Variants in SNTG1 observed in about 807,000 individuals in gnomAD.
SNTG1 encodes gamma-1-syntrophin.
In SNTG1, 39 loss-of-function variants were observed where a neutral mutation model predicts 74.7. The ratio of observed to expected loss-of-function variants is 0.52; its 90% CI spans 0.40 to 0.68. The LOEUF (loss-of-function observed/expected upper bound fraction) is 0.68, where lower values mean the gene tolerates loss of function less well. Among genes scored for constraint, SNTG1 ranks in the 30% least tolerant of loss-of-function variants. SNTG1 has a pLI of 0.00. For synonymous variants in SNTG1, 254 were observed against 217.1 expected (o/e 1.17, Z -1.49); for missense variants, 685 against 609.5 (o/e 1.12, Z -1.30).
chr8:50,703,094 C>G (rs1182861926), intron 15 of SNTG1, among the ~76,000 whole-genome samples: 1 of 152,108 alleles, frequency 6.6e-6, no homozygotes, highest in Non-Finnish European at 1.5e-5. Context: ...AGCACTTAGA[C>G]TACACTACAT....
At chr8:50,007,079 C>G (rs562954432) in intron 1 of SNTG1, among the ~76,000 whole-genome samples, 2 of 151,986 alleles carry the variant, frequency 1.3e-5, no homozygotes, top group South Asian at 4.2e-4. Flanking sequence ...AAGGAGAGCA[C>G]CACTTATTGC....
intron 17 of SNTG1, among the ~76,000 whole-genome samples, chr8:50,748,509 A>G (rs778614042): frequency 3.9e-5 from 6 of 152,010 alleles, no homozygotes; most frequent in Non-Finnish European, 8.8e-5. Flanking sequence ...GAATGTATTG[A>G]CATAAGTGCT....
chr8:50,510,751 C>T (rs1031394252), intron 9 of SNTG1, among the ~76,000 whole-genome samples: 5 of 152,034 alleles, frequency 3.3e-5, no homozygotes, highest in African/African-American at 4.8e-5. Context: ...TCTGTGGGAT[C>T]GGTGGTGATA....
At chr8:50,358,147 G>A (rs34785256) in intron 2 of SNTG1, among the ~76,000 whole-genome samples, 3,579 of 152,220 alleles carry the variant, frequency 0.024, 58 homozygotes, top group Non-Finnish European at 0.032. Context: ...GAACAGCTGG[G>A]AGCAAGGTTT....
At chr8:50,676,474 G>C (rs984798753) in intron 15 of SNTG1, among the ~76,000 whole-genome samples, 6 of 152,024 alleles carry the variant, frequency 3.9e-5, no homozygotes, top group Admixed American at 1.3e-4. Flanking sequence ...AGCACCATCA[G>C]TTCATTTGTG....
chr8:50,698,089 G>A (rs530623902), intron 15 of SNTG1, among the ~76,000 whole-genome samples: 8 of 152,092 alleles, frequency 5.3e-5, no homozygotes, highest in South Asian at 4.1e-4. Context: ...GAGACTTTTC[G>A]TAGTTGGGAG....
At chr8:50,662,850 A>G (rs2095231456) in intron 15 of SNTG1, among the ~76,000 whole-genome samples, 1 of 152,062 alleles carries the variant, frequency 6.6e-6, no homozygotes, top group African/African-American at 2.4e-5. Context: ...AAGATTAGGA[A>G]TTGGTTAACT....
intron 18 of SNTG1, among the ~76,000 whole-genome samples, chr8:50,757,982 C>G (rs1020720866): frequency 1.3e-5 from 2 of 151,862 alleles, no homozygotes; most frequent in Admixed American, 6.6e-5. Context: ...TCCTGCCTCT[C>G]CTTCCTTCTA....
At chr8:50,182,966 C>T (rs1477014511) in intron 2 of SNTG1, among the ~76,000 whole-genome samples, 1 of 152,120 alleles carries the variant, frequency 6.6e-6, no homozygotes, top group African/African-American at 2.4e-5. Flanking sequence ...CTCAGAGACA[C>T]CATCCCAAGA....
chr8:49,990,253 A>G (rs1813553776), intron 1 of SNTG1, among the ~76,000 whole-genome samples: 1 of 152,036 alleles, frequency 6.6e-6, no homozygotes, highest in Admixed American at 6.5e-5. Flanking sequence ...TACTATAATG[A>G]ACAATCTGAA....
chr8:49,942,077 A>T (rs1808742545), intron 1 of SNTG1, among the ~76,000 whole-genome samples: 1 of 152,192 alleles, frequency 6.6e-6, no homozygotes, highest in South Asian at 2.1e-4. Flanking sequence ...TACGCTAAAT[A>T]TAGACTAGGA....
intron 4 of SNTG1, among the ~76,000 whole-genome samples, chr8:50,408,210 A>G (rs2092903993): frequency 6.6e-6 from 1 of 152,210 alleles, no homozygotes; most frequent in South Asian, 2.1e-4. Flanking sequence ...TTCAGTCCCC[A>G]GTATGGAAAA....
At chr8:50,605,552 G>T (rs542070202) in intron 13 of SNTG1, among the ~76,000 whole-genome samples, 5 of 152,050 alleles carry the variant, frequency 3.3e-5, no homozygotes, top group Admixed American at 1.3e-4. Context: ...CCCGCCAGTC[G>T]CTGTGCTAGT....
At chr8:50,325,512 A>T (rs1248625966) in intron 2 of SNTG1, among the ~76,000 whole-genome samples, 1 of 152,036 alleles carries the variant, frequency 6.6e-6, no homozygotes, top group African/African-American at 2.4e-5. Context: ...TTCAAACTGC[A>T]CTAGGTCATT....
chr8:50,046,960 G>A (rs1322604339), intron 1 of SNTG1, among the ~76,000 whole-genome samples: 1 of 152,114 alleles, frequency 6.6e-6, no homozygotes, highest in African/African-American at 2.4e-5. Context: ...TATTTAAAAT[G>A]TCATTTATGT....
intron 1 of SNTG1, among the ~76,000 whole-genome samples, chr8:50,143,538 T>A (rs1293449267): frequency 6.6e-6 from 1 of 152,194 alleles, no homozygotes. Context: ...ACTTTTCAAG[T>A]GTCTATGGAT....
At position 50,536,669 on chromosome 8, in the gene SNTG1, T is replaced by C. The variant is rs754416584; in HGVS notation, c.550-9T>C. On this transcript the variant is annotated splice_polypyrimidine_tract_variant and intron_variant, in intron 10 of 18. Transcript: ENST00000642720. ...AAAAAATTACGTTGAATATTTATCT[T>C]CCTTTCAGGACACATTATCATGCTC... 2.5e-6 allele frequency: 4 copies of C among 1,610,126 alleles called. No homozygotes were observed. In the East Asian group the frequency reaches 8.9e-5, roughly 36 times the overall value.
intron 13 of SNTG1, among the ~76,000 whole-genome samples, chr8:50,635,796 C>A (rs1467863230): frequency 6.6e-6 from 1 of 152,126 alleles, no homozygotes; most frequent in Non-Finnish European, 1.5e-5. Flanking sequence ...TGTGGTTGAG[C>A]TGGTACAAAA....
intron 1 of SNTG1, among the ~76,000 whole-genome samples, chr8:49,970,398 C>T (rs984431335): frequency 5.9e-5 from 9 of 152,098 alleles, no homozygotes; most frequent in Non-Finnish European, 8.8e-5. Flanking sequence ...TGTGTTTAGC[C>T]GCACTCTTTT....
Sources: gnomAD v4.1 joint callset for allele counts (sites outside exome capture counted in the v4.1 genomes callset) on GRCh38, gnomAD v4.1.1 for gene constraint, MANE v1.5 for transcripts, NCBI Gene and HGNC (gene_info 2026-07-23, HGNC 2026-07-21) for gene names.